Variants in SSBP3 observed in about 807,000 individuals in gnomAD.
SSBP3 encodes single stranded DNA binding protein 3.
Under a neutral mutation model 69.6 loss-of-function variants are expected in SSBP3, and 5 were observed. The ratio of observed to expected loss-of-function variants is 0.07; its 90% CI spans 0.04 to 0.15. The LOEUF (loss-of-function observed/expected upper bound fraction) is 0.15, where lower values mean the gene tolerates loss of function less well. Ranked by LOEUF, SSBP3 falls within the 10% of genes least tolerant of loss-of-function variation. The pLI is 1.00. For missense variants in SSBP3, 312 were observed against 534.0 expected (o/e 0.58, Z 4.10); for synonymous variants, 196 against 193.4 (o/e 1.01, Z -0.11).
At chr1:54,401,142 T>C (rs1274540702) in intron 4 of SSBP3, among the ~76,000 whole-genome samples, 1 of 152,132 alleles carries the variant, frequency 6.6e-6, no homozygotes, top group Non-Finnish European at 1.5e-5. Context: ...CCCATGTTTG[T>C]TTTTCCTGAA....
intron 4 of SSBP3, among the ~76,000 whole-genome samples, chr1:54,330,183 C>G (rs575619735): frequency 3.3e-5 from 5 of 152,194 alleles, no homozygotes; most frequent in South Asian, 2.1e-4. Context: ...TCAACCTGAG[C>G]CAGAAGGAAA....
intron 4 of SSBP3, among the ~76,000 whole-genome samples, chr1:54,355,359 T>C (rs955452050): frequency 1.3e-5 from 2 of 152,078 alleles, no homozygotes; most frequent in African/African-American, 4.8e-5. Flanking sequence ...TTTTACTTAT[T>C]TATTTTTTGA....
intron 4 of SSBP3, among the ~76,000 whole-genome samples, chr1:54,288,825 T>C (rs1645541011): frequency 6.6e-6 from 1 of 151,976 alleles, no homozygotes. Flanking sequence ...GAGACCATCC[T>C]GGCTAACACG....
chr1:54,356,666 A>G (rs1036488531), intron 4 of SSBP3: 1 of 151,750 alleles, frequency 6.6e-6, no homozygotes. Flanking sequence ...AGCCGCTCCC[A>G]CCCCAAACAC....
intron 4 of SSBP3, among the ~76,000 whole-genome samples, chr1:54,337,458 GAACCA>G (rs1275302641): frequency 1.5e-5 from 2 of 130,054 alleles, no homozygotes; most frequent in Non-Finnish European, 3.1e-5. Flanking sequence ...AAGGTTGGCT[GAACCA>G]AAGCATTTTG....
At chr1:54,404,965 A>G in intron 1 of SSBP3, 35 bp from the exon 2 acceptor site, 1 of 1,588,352 alleles carries the variant, frequency 6.3e-7, no homozygotes, top group Non-Finnish European at 8.6e-7. Context: ...AGAGAGAGGG[A>G]AAGGCGTCAG....
intron 4 of SSBP3, among the ~76,000 whole-genome samples, chr1:54,331,371 G>C (rs1024688433): frequency 6.6e-6 from 1 of 152,136 alleles, no homozygotes; most frequent in South Asian, 2.1e-4. Context: ...ACTTGGGTTC[G>C]GGTTACATGA....
At chr1:54,352,937 T>C (rs532072023) in intron 4 of SSBP3, among the ~76,000 whole-genome samples, 71 of 152,284 alleles carry the variant, frequency 4.7e-4, no homozygotes, top group African/African-American at 1.6e-3. Context: ...CCAAAAAATG[T>C]GAGCCGACGC....
intron 4 of SSBP3, among the ~76,000 whole-genome samples, chr1:54,302,529 C>T (rs1372597802): frequency 6.6e-6 from 1 of 152,046 alleles, no homozygotes; most frequent in Non-Finnish European, 1.5e-5. Flanking sequence ...CCAGGTTGGT[C>T]TCGTCTTAGC....
intron 4 of SSBP3, among the ~76,000 whole-genome samples, chr1:54,389,427 C>T (rs1401717081): frequency 6.6e-6 from 1 of 152,064 alleles, no homozygotes; most frequent in Non-Finnish European, 1.5e-5. Flanking sequence ...AGAGAAGCAC[C>T]GCACCAGTCA....
chr1:54,329,067 T>C (rs924015661), intron 4 of SSBP3, among the ~76,000 whole-genome samples: 4 of 151,726 alleles, frequency 2.6e-5, no homozygotes, highest in Admixed American at 6.6e-5. Context: ...AAACTCTGTA[T>C]GGCTTTCTTG....
chr1:54,404,808 T>TGAG, intron 2 of SSBP3, 50 bp downstream of exon 2: 1 of 631,356 alleles, frequency 1.6e-6, no homozygotes, highest in Non-Finnish European at 2.6e-6. Flanking sequence ...CTAAGAATAG[T>TGAG]GGGGGGGGGG....
chr1:54,241,325 G>C (rs1478301862), intron 12 of SSBP3, 149 bp downstream of exon 12: 1 of 950,134 alleles, frequency 1.1e-6, no homozygotes, highest in Non-Finnish European at 1.7e-6. Flanking sequence ...CTGTACAGAT[G>C]ACTGAATATT....
intron 4 of SSBP3, among the ~76,000 whole-genome samples, chr1:54,297,606 G>A (rs1257417299): frequency 1.3e-5 from 2 of 152,200 alleles, no homozygotes; most frequent in African/African-American, 4.8e-5. Context: ...ACTCCAGCCT[G>A]GGAGACAGAG....
At position 54,358,564 on chromosome 1, in the gene SSBP3, T is replaced by C. The variant is rs546690482; in HGVS notation, c.276+43297A>G. On this transcript the variant is annotated intron_variant, in intron 4 of 17. Coordinates refer to ENST00000610401, the Ensembl canonical transcript of SSBP3. ...AGCTGCTTGACAGGAGAAGGGGAGA[T>C]GGCATAACCTCCATCCCCTGGGCCT... Among the ~76,000 whole-genome samples, 38 of 152,280 alleles carry C rather than the reference T, an allele frequency of 2.5e-4. 1 individual carries two copies. The highest frequency in any genetic ancestry group is 8.9e-4 in the African/African-American group (37 of 41,556).
rs546928398 is a variant in SSBP3 at position 54,357,064 on chromosome 1, C to T, written c.276+44797G>A. 2.1e-4 allele frequency among the ~76,000 whole-genome samples: 32 copies of T among 152,136 alleles called. 1 individual carries two copies. The highest frequency in any genetic ancestry group is 8.5e-4 in the Admixed American group (13 of 15,292). On this transcript the variant is annotated intron_variant, in intron 4 of 17. Coordinates refer to ENST00000610401, the Ensembl canonical transcript of SSBP3. ...GTAACAGAGGCCTATCTGGTTTCCCCAGAGAATCAAGGAAAGGCCCCTAGG... is the reference window on the plus strand; with the variant it reads ...GTAACAGAGGCCTATCTGGTTTCCCTAGAGAATCAAGGAAAGGCCCCTAGG...
At position 54,294,374 on chromosome 1, in the gene SSBP3, CCGTAAAGCCCT is replaced by C. The variant is rs71768687; in HGVS notation, c.277-12858_277-12848del. Among the ~76,000 whole-genome samples, 1,301 of 152,050 alleles carry C rather than the reference CCGTAAAGCCCT, an allele frequency of 8.6e-3. 13 individuals carry two copies. The highest frequency in any genetic ancestry group is 0.078 in the Middle Eastern group (23 of 294). On this transcript the variant is annotated intron_variant, in intron 4 of 17. Transcript: ENST00000610401. Reference sequence around the variant, plus strand: ...CCCTGCCACAAACTGTTCCTTCTGCCCGTAAAGCCCTCACAAACGACTTGGGCAGGCCACAT... The same window carrying C: ...CCCTGCCACAAACTGTTCCTTCTGCCCACAAACGACTTGGGCAGGCCACAT...
chr1:54,306,649 G>A (rs1166616922), intron 4 of SSBP3, among the ~76,000 whole-genome samples: 11 of 152,092 alleles, frequency 7.2e-5, no homozygotes, highest in Admixed American at 1.3e-4. Context: ...TGTGCTGAGC[G>A]CTTCGTGTGA....
At chr1:54,353,310 A>T (rs1646812589) in intron 4 of SSBP3, among the ~76,000 whole-genome samples, 2 of 152,214 alleles carry the variant, frequency 1.3e-5, no homozygotes, top group African/African-American at 4.8e-5. Flanking sequence ...TGCAGGCCAA[A>T]ATCCAAGCTG....
Sources: allele counts gnomAD v4.1 joint callset (sites outside exome capture counted in the v4.1 genomes callset), GRCh38; gene constraint gnomAD v4.1.1; transcripts MANE v1.5; gene names NCBI Gene and HGNC (gene_info 2026-07-23, HGNC 2026-07-21).